Variants in FMN2 observed in about 807,000 individuals in gnomAD.
The protein encoded by FMN2 is formin-2.
FMN2 carries 51 observed loss-of-function variants against 142.3 expected under a neutral mutation model. The ratio of observed to expected loss-of-function variants is 0.36; its 90% confidence interval spans 0.29 to 0.45. The LOEUF is 0.45. FMN2 is among the 20% of genes least tolerant of loss of function. The probability of loss-of-function intolerance (pLI) is 1.00; values close to 1 mark genes in which losing one functional copy is unlikely to be tolerated. For synonymous variants in FMN2, 882 were observed against 869.8 expected (o/e 1.01, Z -0.25); for missense variants, 1,936 against 2,122.8 (o/e 0.91, Z 1.73).
chr1:240,437,586 G>T (rs781688379), intron 15 of FMN2, among the ~76,000 whole-genome samples: 1 of 152,154 alleles, frequency 6.6e-6, no homozygotes, highest in Non-Finnish European at 1.5e-5. Flanking sequence ...ACAGGCGTGA[G>T]CCACCGCGCC....
At chr1:240,124,034 TTGTA>T (rs1202941587) in intron 2 of FMN2, among the ~76,000 whole-genome samples, 1 of 152,236 alleles carries the variant, frequency 6.6e-6, no homozygotes, top group African/African-American at 2.4e-5. Flanking sequence ...TCATATTCCA[TTGTA>T]TGTATATGTT....
intron 15 of FMN2, among the ~76,000 whole-genome samples, chr1:240,419,726 C>T (rs1204198069): frequency 6.6e-6 from 1 of 152,148 alleles, no homozygotes. Flanking sequence ...TACAGTGTAT[C>T]CTTGCTACCA....
chr1:240,198,673 T>C (rs1666015040), intron 4 of FMN2, among the ~76,000 whole-genome samples: 1 of 152,180 alleles, frequency 6.6e-6, no homozygotes, highest in Non-Finnish European at 1.5e-5. Flanking sequence ...AAACTTAAAA[T>C]TGCTTGTATT....
Position 240,150,774 on chromosome 1 carries a change from C to T in FMN2, c.1783-27147C>T, listed in dbSNP as rs887429517. 5.3e-5 allele frequency among the ~76,000 whole-genome samples: 8 copies of T among 152,046 alleles called. 1 individual carries two copies. In the South Asian group the frequency reaches 1.7e-3, roughly 32 times the overall value. ...GGTGTATTTTTTATAAAGAGACTGG[C>T]CATAATAATTAGTAGAGAAGCATTG... On this transcript the variant is annotated intron_variant, in intron 2 of 17. Coordinates refer to ENST00000319653, the MANE Select transcript of FMN2 (RefSeq NM_020066.5).
At chr1:240,186,562 G>A (rs955622090) in intron 3 of FMN2, among the ~76,000 whole-genome samples, 6 of 152,240 alleles carry the variant, frequency 3.9e-5, no homozygotes, top group African/African-American at 1.4e-4. Flanking sequence ...TGGGGTCGCT[G>A]CTTGAGCAAA....
At chr1:240,322,601 A>G (rs2103002322) in intron 8 of FMN2, among the ~76,000 whole-genome samples, 1 of 152,310 alleles carries the variant, frequency 6.6e-6, no homozygotes, top group Middle Eastern at 3.4e-3. Flanking sequence ...CAGTGGCGGT[A>G]TGCTAGAGAG....
intron 16 of FMN2, among the ~76,000 whole-genome samples, chr1:240,449,322 C>G (rs1368480927): frequency 6.6e-6 from 1 of 152,162 alleles, no homozygotes; most frequent in Non-Finnish European, 1.5e-5. Context: ...CTTACTGACA[C>G]TGGGCCCCAC....
At chr1:240,310,743 G>T (rs951836989) in intron 8 of FMN2, among the ~76,000 whole-genome samples, 7 of 152,166 alleles carry the variant, frequency 4.6e-5, no homozygotes, top group Non-Finnish European at 8.8e-5. Context: ...TTGTGAGGTG[G>T]ATAGGAAGCA....
At chr1:240,145,235 TCAGA>T (rs1342282550) in intron 2 of FMN2, 1 of 1,471,706 alleles carries the variant, frequency 6.8e-7, no homozygotes, top group Non-Finnish European at 9.4e-7. Flanking sequence ...TTTATCTTCC[TCAGA>T]CAGCTCCTGT....
intron 3 of FMN2, among the ~76,000 whole-genome samples, chr1:240,186,708 CAAGT>C (rs1001160045): frequency 2.6e-5 from 4 of 152,078 alleles, no homozygotes; most frequent in African/African-American, 9.7e-5. Flanking sequence ...TGTGACAAGA[CAAGT>C]AAGCTGGCCA....
rs760544362 is a variant in FMN2, at chr1:240,123,234, A to G, written c.1671A>G (p.Glu557=). The change falls in exon 2 of 18, where the codon GAA becomes GAG. Residue 557 remains glutamate (E), a synonymous_variant. Transcript: ENST00000319653. Reference sequence around the variant, plus strand: ...AGCAGGAGAACGGGCCTCCAGAAGAAGCAGAGAAGTTTTGCTCCCGGATCA... The same window carrying G: ...AGCAGGAGAACGGGCCTCCAGAAGAGGCAGAGAAGTTTTGCTCCCGGATCA... The part of the protein sequence containing the change: ...FSQQENGPPE[E]AEKFCSRIIA... The G allele has an allele frequency of 1.2e-6, 2 of 1,614,180 alleles. No homozygotes were observed. The highest frequency in any genetic ancestry group is 1.7e-6 in the Non-Finnish European group (2 of 1,180,022).
intron 15 of FMN2, 119 bp from the exon 16 acceptor site, chr1:240,437,942 G>C: frequency 7.9e-7 from 1 of 1,267,532 alleles, no homozygotes; most frequent in South Asian, 1.5e-5. Context: ...TGAAGAGCTT[G>C]AGTCCTCTTG....
chr1:240,170,846 AAG>A (rs1218014770), intron 2 of FMN2: 2 of 819,990 alleles, frequency 2.4e-6, no homozygotes, highest in Non-Finnish European at 4.4e-6. Context: ...GACATCCATC[AAG>A]ATAAATTTCC....
chr1:240,119,199 C>G (rs912631787), intron 1 of FMN2, among the ~76,000 whole-genome samples: 2 of 151,980 alleles, frequency 1.3e-5, no homozygotes, highest in Non-Finnish European at 1.5e-5. Flanking sequence ...TGTGGTGGCG[C>G]ATGCCTGTAA....
At position 240,258,434 on chromosome 1, in the gene FMN2, G is replaced by A. The variant is rs544127398; in HGVS notation, c.4153+402G>A. On this transcript the variant is annotated intron_variant, in intron 7 of 17. Coordinates refer to ENST00000319653, the MANE Select transcript of FMN2 (RefSeq NM_020066.5). ...GGTTGCAGACTGCCATCTTCTCCAT[G>A]TATCCTCAATTGGCAGAAAGAAGGA... Among the ~76,000 whole-genome samples the A allele has an allele frequency of 7.9e-5, 12 of 152,224 alleles. No homozygotes were observed. The South Asian group carries it at 2.5e-3, about 32-fold the overall frequency.
At chr1:240,232,573 T>C (rs530218611) in intron 6 of FMN2, among the ~76,000 whole-genome samples, 62 of 152,344 alleles carry the variant, frequency 4.1e-4, no homozygotes, top group African/African-American at 1.4e-3. Context: ...CTCTACTCTT[T>C]TCTGTATTCA....
At chr1:240,166,221 G>GTAT (rs918101362) in intron 2 of FMN2, among the ~76,000 whole-genome samples, 2 of 150,896 alleles carry the variant, frequency 1.3e-5, no homozygotes, top group African/African-American at 2.4e-5. Flanking sequence ...ATTAGCTCAT[G>GTAT]TATTATTATT....
At chr1:240,264,543 C>T (rs1320425445) in intron 7 of FMN2, among the ~76,000 whole-genome samples, 1 of 152,048 alleles carries the variant, frequency 6.6e-6, no homozygotes, top group African/African-American at 2.4e-5. Context: ...CCCCCTACCC[C>T]CTGACAGGTC....
intron 1 of FMN2, among the ~76,000 whole-genome samples, chr1:240,096,227 T>C (rs1263208937): frequency 6.6e-6 from 1 of 152,188 alleles, no homozygotes; most frequent in Non-Finnish European, 1.5e-5. Context: ...TTTAAGGCCA[T>C]ATAGAGAGTA....
Sources: allele counts gnomAD v4.1 joint callset (sites outside exome capture counted in the v4.1 genomes callset), GRCh38; gene constraint gnomAD v4.1.1; transcripts MANE v1.5; gene names NCBI Gene and HGNC (gene_info 2026-07-23, HGNC 2026-07-21).